Variants in KCNIP4 observed in about 807,000 individuals in gnomAD.
KCNIP4 encodes the protein potassium voltage-gated channel interacting protein 4.
In KCNIP4, 12 loss-of-function variants were observed where a neutral mutation model predicts 34.0. The ratio of observed to expected loss-of-function variants is 0.35; its 90% CI spans 0.23 to 0.57. KCNIP4 has a LOEUF of 0.57. Among genes scored for constraint, KCNIP4 ranks in the 20% least tolerant of loss-of-function variants. KCNIP4 has a pLI of 0.83. For synonymous variants in KCNIP4, 124 were observed against 102.2 expected, an observed-to-expected ratio of 1.21 and a Z score of -1.29; for missense variants, 238 against 311.7, an observed-to-expected ratio of 0.76 and a Z score of 1.78.
chr4:21,111,994 A>C (rs1255157093), intron 1 of KCNIP4, among the ~76,000 whole-genome samples: 1 of 126,746 alleles, frequency 7.9e-6, no homozygotes, highest in East Asian at 2.0e-4. Context: ...AATAACATCA[A>C]AACAAACAAC....
chr4:21,736,341 C>T (rs976657712), intron 1 of KCNIP4, among the ~76,000 whole-genome samples: 1 of 152,182 alleles, frequency 6.6e-6, no homozygotes, highest in Non-Finnish European at 1.5e-5. Context: ...CAGCATCCTT[C>T]CATCTGTCCT....
chr4:21,586,981 G>A (rs981189104), intron 1 of KCNIP4, among the ~76,000 whole-genome samples: 4 of 151,934 alleles, frequency 2.6e-5, no homozygotes, highest in South Asian at 2.1e-4. Context: ...TCTTATTCTC[G>A]CTAGCCAGGA....
In KCNIP4 at chr4:21,937,025, A is replaced by G. The variant is rs114811843; in HGVS notation, c.61+11546T>C. The stretch of plus-strand genomic sequence containing the variant: ...CATTATCTTTCTGCAACTAATTCCC[A>G]AACTGGCACCCCAGTTTAATTTGAT... On this transcript the variant is annotated intron_variant, in intron 1 of 8. Transcript: ENST00000382152. 8.4e-3 allele frequency among the ~76,000 whole-genome samples: 1,283 copies of G among 152,096 alleles called. 15 individuals are homozygous for G. The highest frequency in any genetic ancestry group is 0.029 in the African/African-American group (1,200 of 41,488).
intron 1 of KCNIP4, among the ~76,000 whole-genome samples, chr4:21,787,224 G>T (rs972498566): frequency 2.0e-5 from 3 of 152,106 alleles, no homozygotes; most frequent in Non-Finnish European, 4.4e-5. Context: ...AATAAATTTC[G>T]TGTTTAGGCT....
At chr4:21,594,266 T>C (rs1016375604) in intron 1 of KCNIP4, among the ~76,000 whole-genome samples, 1 of 152,106 alleles carries the variant, frequency 6.6e-6, no homozygotes, top group South Asian at 2.1e-4. Context: ...TTTAGAGATA[T>C]AGAAATAAAC....
chr4:21,089,648 A>G (rs569024421), intron 1 of KCNIP4, among the ~76,000 whole-genome samples: 4 of 152,184 alleles, frequency 2.6e-5, no homozygotes, highest in Non-Finnish European at 5.9e-5. Context: ...GAAAGGCCAC[A>G]ACTTCCACAA....
intron 1 of KCNIP4, among the ~76,000 whole-genome samples, chr4:21,529,057 C>T (rs922773201): frequency 6.6e-5 from 10 of 151,936 alleles, no homozygotes; most frequent in Non-Finnish European, 1.3e-4. Flanking sequence ...TTTCCTCCTG[C>T]CCAGAGCATG....
At chr4:21,220,039 G>C (rs1757870582) in intron 1 of KCNIP4, among the ~76,000 whole-genome samples, 1 of 152,150 alleles carries the variant, frequency 6.6e-6, no homozygotes, top group Non-Finnish European at 1.5e-5. Flanking sequence ...TAGTGTCCAA[G>C]AATAATGAAA....
chr4:21,203,993 A>G (rs1756675264), intron 1 of KCNIP4, among the ~76,000 whole-genome samples: 1 of 152,156 alleles, frequency 6.6e-6, no homozygotes, highest in African/African-American at 2.4e-5. Flanking sequence ...TTGTAGATGA[A>G]ATGAGAATGA....
intron 1 of KCNIP4, among the ~76,000 whole-genome samples, chr4:21,736,349 C>A (rs1475696897): frequency 6.6e-6 from 1 of 152,150 alleles, no homozygotes; most frequent in Non-Finnish European, 1.5e-5. Context: ...TTCCATCTGT[C>A]CTCTGTACTG....
At chr4:20,880,718 A>G (rs1246174127) in intron 2 of KCNIP4, among the ~76,000 whole-genome samples, 1 of 152,200 alleles carries the variant, frequency 6.6e-6, no homozygotes, top group Non-Finnish European at 1.5e-5. Flanking sequence ...TAAATTGGCA[A>G]TTTTGATTCC....
chr4:21,023,037 G>C (rs569650636), intron 1 of KCNIP4, among the ~76,000 whole-genome samples: 2 of 152,136 alleles, frequency 1.3e-5, no homozygotes, highest in South Asian at 4.1e-4. Context: ...TGGTCAGGCT[G>C]GTCTCGAAGT....
At chr4:21,712,413 C>T (rs1233672524) in intron 1 of KCNIP4, among the ~76,000 whole-genome samples, 1 of 152,164 alleles carries the variant, frequency 6.6e-6, no homozygotes, top group Non-Finnish European at 1.5e-5. Flanking sequence ...GGCGAGGAAC[C>T]TCCTTCCCAT....
At chr4:20,811,466 T>C (rs10029335) in intron 3 of KCNIP4, among the ~76,000 whole-genome samples, 2,405 of 151,306 alleles carry the variant, frequency 0.016, 49 homozygotes, top group African/African-American at 0.055. Context: ...CTGATGCACA[T>C]AGATGCATTC....
chr4:21,440,518 G>C (rs1727371973), intron 1 of KCNIP4, among the ~76,000 whole-genome samples: 1 of 152,154 alleles, frequency 6.6e-6, no homozygotes, highest in Non-Finnish European at 1.5e-5. Context: ...TGATTGCTTT[G>C]TTATTTCAAA....
At chr4:21,867,726 C>T (rs1277353095) in intron 1 of KCNIP4, among the ~76,000 whole-genome samples, 1 of 152,192 alleles carries the variant, frequency 6.6e-6, no homozygotes, top group African/African-American at 2.4e-5. Flanking sequence ...ATCCTCTAAA[C>T]CACAGAAACA....
chr4:21,564,873 G>A (rs527718239), intron 1 of KCNIP4, among the ~76,000 whole-genome samples: 211 of 152,100 alleles, frequency 1.4e-3, no homozygotes, highest in African/African-American at 4.8e-3. Flanking sequence ...GCTCTTAAGG[G>A]AACTAGCAGA....
At chr4:21,346,326 CT>C (rs1717419191) in intron 1 of KCNIP4, among the ~76,000 whole-genome samples, 2 of 77,456 alleles carry the variant, frequency 2.6e-5, no homozygotes, top group South Asian at 8.4e-4. Flanking sequence ...TGCCTATATT[CT>C]ATTTATAGTG....
intron 1 of KCNIP4, among the ~76,000 whole-genome samples, chr4:21,535,459 G>GAGTT (rs1737077355): frequency 6.6e-6 from 1 of 152,070 alleles, no homozygotes; most frequent in African/African-American, 2.4e-5. Context: ...TCTCTCAAAG[G>GAGTT]TGCTAAACTC....
Sources: gnomAD v4.1 joint callset for allele counts (sites outside exome capture counted in the v4.1 genomes callset) on GRCh38, gnomAD v4.1.1 for gene constraint, MANE v1.5 for transcripts, NCBI Gene and HGNC (gene_info 2026-07-23, HGNC 2026-07-21) for gene names.